The following ATRNL1 variants were observed in gnomAD, a reference collection of about 807,000 sequenced individuals.
ATRNL1 encodes the protein attractin-like protein 1.
Under a neutral mutation model 182.7 loss-of-function variants are expected in ATRNL1, and 95 were observed. The ratio of observed to expected loss-of-function variants is 0.52; its 90% CI spans 0.44 to 0.62. The LOEUF (loss-of-function observed/expected upper bound fraction) is 0.62, where lower values mean the gene tolerates loss of function less well. Ranked by LOEUF, ATRNL1 falls within the 20% of genes least tolerant of loss-of-function variation. ATRNL1 has a pLI of 0.00. For missense variants in ATRNL1, 1,471 were observed against 1,679.5 expected, an observed-to-expected ratio of 0.88 and a Z score of 2.17; for synonymous variants, 576 against 568.3, an observed-to-expected ratio of 1.01 and a Z score of -0.19.
At chr10:115,683,986 T>C (rs1946137332) in intron 26 of ATRNL1, among the ~76,000 whole-genome samples, 1 of 151,782 alleles carries the variant, frequency 6.6e-6, no homozygotes, top group Non-Finnish European at 1.5e-5. Flanking sequence ...AATCTAGATA[T>C]CTGATACACA....
At chr10:115,200,987 A>G (rs1177515225) in intron 8 of ATRNL1, among the ~76,000 whole-genome samples, 10 of 151,024 alleles carry the variant, frequency 6.6e-5, no homozygotes, top group Non-Finnish European at 7.4e-5. Flanking sequence ...AGTGATGATG[A>G]GCATTTTTTC....
intron 27 of ATRNL1, among the ~76,000 whole-genome samples, chr10:115,817,877 G>GTTTT (rs35087740): frequency 7.5e-6 from 1 of 133,882 alleles, no homozygotes; most frequent in African/African-American, 2.8e-5. Flanking sequence ...TTTACGTTGT[G>GTTTT]TTTTTTTTTT....
chr10:115,333,797 A>G (rs1278766345), intron 18 of ATRNL1, among the ~76,000 whole-genome samples: 1 of 152,158 alleles, frequency 6.6e-6, no homozygotes, highest in African/African-American at 2.4e-5. Context: ...CAAAAGTACT[A>G]TTTTTATTAA....
intron 15 of ATRNL1, among the ~76,000 whole-genome samples, chr10:115,298,447 G>A (rs530582647): frequency 1.3e-4 from 20 of 152,092 alleles, no homozygotes; most frequent in African/African-American, 4.8e-4. Flanking sequence ...TTTTTATCAC[G>A]ATGAGTTAGG....
intron 26 of ATRNL1, among the ~76,000 whole-genome samples, chr10:115,679,601 A>G (rs999039838): frequency 1.1e-4 from 17 of 152,174 alleles, no homozygotes; most frequent in Non-Finnish European, 2.5e-4. Flanking sequence ...TCCAGTTGAA[A>G]TGTTTTGGGG....
At chr10:115,224,186 T>A (rs1849606289) in intron 9 of ATRNL1, among the ~76,000 whole-genome samples, 1 of 151,366 alleles carries the variant, frequency 6.6e-6, no homozygotes, top group Non-Finnish European at 1.5e-5. Flanking sequence ...CTGCCCACCT[T>A]GGCCTCCCAA....
intron 26 of ATRNL1, among the ~76,000 whole-genome samples, chr10:115,566,016 A>G (rs936950657): frequency 7.2e-5 from 11 of 152,162 alleles, no homozygotes; most frequent in Admixed American, 7.2e-4. Flanking sequence ...GACATCTATA[A>G]TTGGTAAATT....
intron 8 of ATRNL1, among the ~76,000 whole-genome samples, chr10:115,186,257 G>T (rs951419374): frequency 6.6e-6 from 1 of 151,620 alleles, no homozygotes; most frequent in Admixed American, 6.6e-5. Context: ...TACATTATTG[G>T]TGGGAATGTA....
chr10:115,873,112 A>G (rs1951622263), intron 28 of ATRNL1, among the ~76,000 whole-genome samples: 1 of 152,220 alleles, frequency 6.6e-6, no homozygotes, highest in Admixed American at 6.5e-5. Flanking sequence ...TACATGCCAG[A>G]TATGGCTGGT....
At chr10:115,445,503 G>C (rs1554966510) in intron 21 of ATRNL1, among the ~76,000 whole-genome samples, 1 of 95,186 alleles carries the variant, frequency 1.1e-5, no homozygotes, top group African/African-American at 5.0e-5. Context: ...TAACTCATTT[G>C]TCCGTGTGTG....
intron 16 of ATRNL1, 30 bp from the exon 17 acceptor site, chr10:115,301,825 G>C: frequency 6.5e-7 from 1 of 1,535,962 alleles, no homozygotes; most frequent in Non-Finnish European, 8.8e-7. Flanking sequence ...AGTTAAAAAT[G>C]AAATTATTGT....
chr10:115,554,951 C>T (rs1469781845), intron 26 of ATRNL1, among the ~76,000 whole-genome samples: 6 of 151,690 alleles, frequency 4.0e-5, no homozygotes, highest in African/African-American at 7.2e-5. Context: ...AATGTAGTCT[C>T]GCTAACCACA....
intron 1 of ATRNL1, among the ~76,000 whole-genome samples, chr10:115,095,184 A>G (rs1359373230): frequency 2.0e-5 from 3 of 152,088 alleles, no homozygotes; most frequent in Non-Finnish European, 4.4e-5. Flanking sequence ...GATACTTAAT[A>G]TGAAGTTTGC....
At chr10:115,518,555 A>G (rs1284595869) in intron 24 of ATRNL1, among the ~76,000 whole-genome samples, 3 of 151,894 alleles carry the variant, frequency 2.0e-5, no homozygotes, top group Admixed American at 1.3e-4. Flanking sequence ...ATTATAAGGT[A>G]GATGCTTTTA....
At chr10:115,146,239 A>G (rs1723600770) in intron 5 of ATRNL1, among the ~76,000 whole-genome samples, 1 of 152,166 alleles carries the variant, frequency 6.6e-6, no homozygotes, top group Admixed American at 6.5e-5. Flanking sequence ...TCGTAGTAGT[A>G]TAGATGAAAT....
chr10:115,139,611 C>T (rs1264584954), intron 5 of ATRNL1, among the ~76,000 whole-genome samples: 1 of 152,138 alleles, frequency 6.6e-6, no homozygotes, highest in Non-Finnish European at 1.5e-5. Context: ...CAGTTACCTC[C>T]TACTGGGTCC....
At chr10:115,411,358 T>A (rs988818297) in intron 20 of ATRNL1, among the ~76,000 whole-genome samples, 1 of 151,798 alleles carries the variant, frequency 6.6e-6, no homozygotes. Context: ...TATTTTGTTT[T>A]ATACAAAATG....
At chr10:115,813,759 T>A (rs1433511729) in intron 27 of ATRNL1, among the ~76,000 whole-genome samples, 9 of 152,166 alleles carry the variant, frequency 5.9e-5, no homozygotes, top group Non-Finnish European at 1.3e-4. Flanking sequence ...TTAAAATCCT[T>A]AAAAGATAAA....
intron 26 of ATRNL1, among the ~76,000 whole-genome samples, chr10:115,703,059 G>A (rs1166302243): frequency 1.3e-5 from 2 of 151,886 alleles, no homozygotes; most frequent in African/African-American, 4.8e-5. Flanking sequence ...TACAAAGACA[G>A]ACACATAGAC....
Sources: allele counts gnomAD v4.1 joint callset (sites outside exome capture counted in the v4.1 genomes callset), GRCh38; gene constraint gnomAD v4.1.1; transcripts MANE v1.5; gene names NCBI Gene and HGNC (gene_info 2026-07-23, HGNC 2026-07-21).